Variants in ADGRL3 observed in about 807,000 individuals in gnomAD.
The protein encoded by ADGRL3 is calcium-independent alpha-latrotoxin receptor 3.
A neutral mutation model predicts 153.5 loss-of-function variants in ADGRL3; 62 were observed. The ratio of observed to expected loss-of-function variants is 0.40; its 90% CI spans 0.33 to 0.50. ADGRL3 has a LOEUF of 0.50. Among genes scored for constraint, ADGRL3 ranks in the 20% least tolerant of loss-of-function variants. ADGRL3 has a pLI of 0.47. For synonymous variants in ADGRL3, 710 were observed against 672.5 expected, an observed-to-expected ratio of 1.06 and a Z score of -0.86; for missense variants, 1,641 against 1,859.4, an observed-to-expected ratio of 0.88 and a Z score of 2.16.
At chr4:61,456,161 A>T (rs2097733707) in intron 2 of ADGRL3, among the ~76,000 whole-genome samples, 1 of 151,724 alleles carries the variant, frequency 6.6e-6, no homozygotes, top group Non-Finnish European at 1.5e-5. Context: ...GTGTGAAATT[A>T]TGAAGCCTAT....
intron 6 of ADGRL3, among the ~76,000 whole-genome samples, chr4:61,712,577 T>A (rs2096016868): frequency 6.6e-6 from 1 of 152,188 alleles, no homozygotes; most frequent in African/African-American, 2.4e-5. Flanking sequence ...AAGTGCTCAG[T>A]ACAATGCCAA....
At chr4:61,915,177 G>A (rs969947814) in intron 13 of ADGRL3, among the ~76,000 whole-genome samples, 1 of 150,840 alleles carries the variant, frequency 6.6e-6, no homozygotes, top group African/African-American at 2.4e-5. Context: ...TTTTGTATAA[G>A]AAACTGTTCA....
chr4:61,876,646 G>A (rs1403303509), intron 9 of ADGRL3, among the ~76,000 whole-genome samples: 2 of 151,518 alleles, frequency 1.3e-5, no homozygotes, highest in Non-Finnish European at 2.9e-5. Context: ...GAAGAAGAGA[G>A]TAGAGAGTAT....
intron 4 of ADGRL3, among the ~76,000 whole-genome samples, chr4:61,545,899 AC>A (rs1369728500): frequency 5.5e-5 from 7 of 128,142 alleles, no homozygotes; most frequent in Admixed American, 1.5e-4. Context: ...AAACAAACAA[AC>A]AAACAAAAAA....
chr4:61,414,420 C>T (rs1310120551), intron 2 of ADGRL3, among the ~76,000 whole-genome samples: 1 of 152,084 alleles, frequency 6.6e-6, no homozygotes, highest in East Asian at 1.9e-4. Context: ...TGAGGGCTTT[C>T]TGTATTCCTT....
intron 1 of ADGRL3, among the ~76,000 whole-genome samples, chr4:61,321,048 C>T (rs1302011416): frequency 1.3e-5 from 2 of 152,186 alleles, no homozygotes; most frequent in African/African-American, 4.8e-5. Flanking sequence ...CACCTTCTTT[C>T]ATTTATAAGG....
At chr4:61,360,615 T>C (rs2096268541) in intron 1 of ADGRL3, among the ~76,000 whole-genome samples, 1 of 152,154 alleles carries the variant, frequency 6.6e-6, no homozygotes, top group African/African-American at 2.4e-5. Flanking sequence ...CTGGAATGAG[T>C]CAATGATCTA....
chr4:61,501,225 T>C (rs1266269817), intron 3 of ADGRL3, among the ~76,000 whole-genome samples: 1 of 152,204 alleles, frequency 6.6e-6, no homozygotes, highest in African/African-American at 2.4e-5. Flanking sequence ...GACAGGACAG[T>C]GAACAACAGA....
chr4:61,854,710 A>G (rs2098243662), intron 9 of ADGRL3, among the ~76,000 whole-genome samples: 1 of 152,210 alleles, frequency 6.6e-6, no homozygotes, highest in Non-Finnish European at 1.5e-5. Context: ...CAAAGAATAC[A>G]GTGAGGAAAG....
intron 2 of ADGRL3, among the ~76,000 whole-genome samples, chr4:61,405,662 TA>T (rs2096985365): frequency 6.6e-6 from 1 of 151,108 alleles, no homozygotes; most frequent in South Asian, 2.1e-4. Context: ...CAGTATTTTT[TA>T]AAATATTTAG....
intron 3 of ADGRL3, among the ~76,000 whole-genome samples, chr4:61,505,278 C>T (rs2098420100): frequency 1.3e-5 from 2 of 152,128 alleles, no homozygotes; most frequent in Admixed American, 1.3e-4. Context: ...ACATCTTTTG[C>T]TCATTTTAAA....
rs114669809 is a variant in ADGRL3, at chr4:62,047,762, A to G, written c.3814+3213A>G. 4.8e-3 allele frequency among the ~76,000 whole-genome samples: 731 copies of G among 152,284 alleles called. 7 individuals carry two copies. Among genetic ancestry groups the G allele is most frequent in the African/African-American group, 0.017 (696 of 41,566 alleles). On this transcript the variant is annotated intron_variant, in intron 25 of 26. Coordinates refer to ENST00000683033, the MANE Select transcript of ADGRL3 (RefSeq NM_001387552.1). ...AGGTGTTTCACAAAATGTTTTCTGTATATTTTCAAATATTTTTCTCCAGCC... is the reference window on the plus strand; with the variant it reads ...AGGTGTTTCACAAAATGTTTTCTGTGTATTTTCAAATATTTTTCTCCAGCC...
rs141818635 is a variant in ADGRL3, at chr4:61,818,016, T to C, written c.1480+4127T>C. Among the ~76,000 whole-genome samples the C allele has an allele frequency of 6.1e-4, 93 of 152,208 alleles. 2 individuals are homozygous for C. The East Asian group carries it at 0.018, about 29-fold the overall frequency. On this transcript the variant is annotated intron_variant, in intron 9 of 26. Transcript: ENST00000683033. ...CCCTCCCAAATCTCATGTGCTCACATTTCAAAACCAATCATGCCTTTCCAA... is the reference window on the plus strand; with the variant it reads ...CCCTCCCAAATCTCATGTGCTCACACTTCAAAACCAATCATGCCTTTCCAA...
At chr4:61,722,148 A>G (rs1380880357) in intron 6 of ADGRL3, among the ~76,000 whole-genome samples, 1 of 152,204 alleles carries the variant, frequency 6.6e-6, no homozygotes, top group Non-Finnish European at 1.5e-5. Flanking sequence ...GTAGTAAGTA[A>G]TGTGATAATT....
chr4:61,625,215 C>T (rs2092761296), intron 5 of ADGRL3, among the ~76,000 whole-genome samples: 2 of 151,802 alleles, frequency 1.3e-5, no homozygotes, highest in South Asian at 4.2e-4. Context: ...GTGTTCATGC[C>T]ACTGAGATAA....
chr4:61,219,855 C>T (rs1442592281), intron 1 of ADGRL3, among the ~76,000 whole-genome samples: 1 of 152,112 alleles, frequency 6.6e-6, no homozygotes, highest in Non-Finnish European at 1.5e-5. Flanking sequence ...CGCCTGTAAT[C>T]ACAGCACTTT....
chr4:61,939,995 A>G (rs1231399508), intron 15 of ADGRL3, among the ~76,000 whole-genome samples: 2 of 147,886 alleles, frequency 1.4e-5, no homozygotes, highest in Admixed American at 6.8e-5. Context: ...TTAGTTACAT[A>G]TGTATACATG....
chr4:61,231,133 GA>G (rs1226298858), intron 1 of ADGRL3, among the ~76,000 whole-genome samples: 4 of 152,184 alleles, frequency 2.6e-5, no homozygotes, highest in African/African-American at 9.6e-5. Flanking sequence ...AAGATCAGTA[GA>G]AAAAAGTCTG....
At chr4:61,389,135 A>C (rs1434105676) in intron 2 of ADGRL3, among the ~76,000 whole-genome samples, 8 of 152,232 alleles carry the variant, frequency 5.3e-5, no homozygotes. Context: ...ATGCATGATC[A>C]TGTGACTGGA....
Sources: allele counts gnomAD v4.1 joint callset (sites outside exome capture counted in the v4.1 genomes callset), GRCh38; gene constraint gnomAD v4.1.1; transcripts MANE v1.5; gene names NCBI Gene and HGNC (gene_info 2026-07-23, HGNC 2026-07-21).